PGM1: variants seen among roughly 807,000 people sequenced by gnomAD.
PGM1 encodes the protein phosphoglucomutase 1.
PGM1 carries 52 observed loss-of-function variants against 55.6 expected under a neutral mutation model. The ratio of observed to expected loss-of-function variants is 0.94; its 90% CI spans 0.75 to 1.18. The LOEUF is 1.18. Ranked by LOEUF, PGM1 falls within the 50% of genes most tolerant of loss-of-function variation. The pLI, the probability that PGM1 is intolerant of heterozygous loss-of-function variation, is 0.00. For synonymous variants in PGM1, 287 were observed against 271.7 expected (o/e 1.06, Z -0.55); for missense variants, 724 against 729.3 (o/e 0.99, Z 0.08).
Position 63,636,237 on chromosome 1 carries a change from C to T in PGM1, c.877C>T (p.Arg293Ter), listed in dbSNP as rs377295149. The T allele has an allele frequency of 1.3e-5, 21 of 1,614,046 alleles. No individual in the cohort carries two copies. The highest frequency in any genetic ancestry group is 1.6e-5 in the Non-Finnish European group (19 of 1,179,852). Residue 293 changes from arginine (R) to a stop codon, truncating the protein, a stop_gained, in exon 6 of 11, where the codon CGA (arginine) becomes TGA (stop). Coordinates refer to ENST00000371084, the MANE Select transcript of PGM1 (RefSeq NM_002633.3). LOFTEE classifies it high-confidence loss of function. The stretch of plus-strand genomic sequence containing the variant: ...TTGATCCTCTCTTCTCCCCAAGGAT[C>T]GAAACATGATTCTGGGCAAGCATGG... ...FGAAFDGDGD[R>*]NMILGKHGFF... is the part of the protein sequence containing the mutation.
At chr1:63,651,907 C>G in intron 9 of PGM1, 55 bp downstream of exon 9, 2 of 1,468,196 alleles carry the variant, frequency 1.4e-6, no homozygotes, top group Non-Finnish European at 1.9e-6. Context: ...TCATCTCTGA[C>G]ATCTCAAGGG....
intron 1 of PGM1, among the ~76,000 whole-genome samples, chr1:63,626,815 T>C (rs1240249462): frequency 1.3e-5 from 2 of 152,154 alleles, no homozygotes; most frequent in Non-Finnish European, 2.9e-5. Flanking sequence ...AGCATATCTC[T>C]AGAAAGTTTT....
At position 63,593,749 on chromosome 1, in the gene PGM1, G is replaced by C; in HGVS notation, c.246+15G>C. The C allele has an allele frequency of 5.1e-6, 8 of 1,579,990 alleles. No individual in the cohort carries two copies. Among genetic ancestry groups the C allele is most frequent in the Non-Finnish European group, 6.8e-6 (8 of 1,169,128 alleles). ...CCGCCAACGGGGTAAGGGATGCGCG[G>C]CCCCGCGCCGCTGTGCACCCTGGCG... On this transcript the variant is annotated intron_variant, in intron 1 of 10. Transcript: ENST00000371084.
intron 1 of PGM1, among the ~76,000 whole-genome samples, chr1:63,621,503 C>T (rs1648878320): frequency 6.6e-6 from 1 of 152,186 alleles, no homozygotes; most frequent in Admixed American, 6.5e-5. Flanking sequence ...TCAAGACACA[C>T]ATGCCAGCCT....
At chr1:63,603,907 A>G (rs1648310538) in intron 1 of PGM1, among the ~76,000 whole-genome samples, 1 of 152,190 alleles carries the variant, frequency 6.6e-6, no homozygotes, top group Non-Finnish European at 1.5e-5. Context: ...TCTCCCTGGA[A>G]GTTCTATATA....
Position 63,597,853 on chromosome 1 carries a change from G to A in PGM1, c.246+4119G>A, listed in dbSNP as rs189000518. Among the ~76,000 whole-genome samples, 161 of 152,272 alleles carry A rather than the reference G, an allele frequency of 1.1e-3. 2 individuals are homozygous for A. Among genetic ancestry groups the A allele is most frequent in the African/African-American group, 3.6e-3 (150 of 41,536 alleles). ...GCAAAATAAAATAAATACCTTTGTG[G>A]GAACTTATGAGCAAGGAGGGTATTT... On this transcript the variant is annotated intron_variant, in intron 1 of 10. Coordinates refer to ENST00000371084, the MANE Select transcript of PGM1 (RefSeq NM_002633.3).
At chr1:63,593,915 G>A (rs1247171032) in intron 1 of PGM1, 181 bp downstream of exon 1, 3 of 1,242,938 alleles carry the variant, frequency 2.4e-6, no homozygotes, top group East Asian at 3.7e-5. Flanking sequence ...GGAGGTCGCC[G>A]GGCTGGGGAA....
Position 63,641,977 on chromosome 1 carries a change from T to C in PGM1, c.1144+3177T>C, listed in dbSNP as rs191060672. Among the ~76,000 whole-genome samples the C allele has an allele frequency of 7.9e-5, 12 of 152,306 alleles. No homozygotes were observed. In the East Asian group the frequency reaches 2.3e-3, roughly 29 times the overall value. On this transcript the variant is annotated intron_variant, in intron 7 of 10. Transcript: ENST00000371084. The stretch of plus-strand genomic sequence containing the variant: ...AAATTCCTGTATGATGCTGGAACCA[T>C]AGTGACTGGTCACTGCTTTCTGGCT...
chr1:63,613,675 A>G lies in PGM1; in HGVS notation c.247-15750A>G, dbSNP rs527370120. ...TATTTCCAAATAAGGTCACATCCCCAGGTTCCTGGGTTAAGACTTCAATGT... is the reference window on the plus strand; with the variant it reads ...TATTTCCAAATAAGGTCACATCCCCGGGTTCCTGGGTTAAGACTTCAATGT... On this transcript the variant is annotated intron_variant, in intron 1 of 10. Coordinates refer to ENST00000371084, the MANE Select transcript of PGM1 (RefSeq NM_002633.3). 8.3e-5 allele frequency among the ~76,000 whole-genome samples: 12 copies of G among 145,028 alleles called. No homozygotes were observed. In the East Asian group the frequency reaches 2.3e-3, roughly 27 times the overall value.
In PGM1 at chr1:63,659,844, C is replaced by A; in HGVS notation, c.*169C>A. 1 of 673,470 alleles carries A rather than the reference C, an allele frequency of 1.5e-6. No individual in the cohort carries two copies. 41.7% of individuals were successfully genotyped at this position (673,470 alleles called of 1,614,324 possible). ...ACAAGGCACTGCCAAACAAGATGCC[C>A]TTGGGAGCTGTGAGGGAAAGAGGAC... On this transcript the variant is annotated 3_prime_UTR_variant, in exon 11 of 11. Transcript: ENST00000371084.
intron 1 of PGM1, among the ~76,000 whole-genome samples, chr1:63,606,525 A>G (rs1188036910): frequency 1.3e-5 from 2 of 152,050 alleles, no homozygotes; most frequent in Admixed American, 1.3e-4. Context: ...CCTTACCTTC[A>G]TGCCAGCTAA....
chr1:63,598,923 T>A (rs1261910925), intron 1 of PGM1, among the ~76,000 whole-genome samples: 2 of 152,210 alleles, frequency 1.3e-5, no homozygotes, highest in Non-Finnish European at 2.9e-5. Context: ...CTCCACTGTC[T>A]CCCGCTTGAA....
At position 63,608,246 on chromosome 1, in the gene PGM1, G is replaced by A. The variant is rs186838206; in HGVS notation, c.246+14512G>A. ...GACAGTTCTTGCTGAGGCAGAGTCTGGCATTCTGCTTTCTGCAGCCTACCG... is the reference window on the plus strand; with the variant it reads ...GACAGTTCTTGCTGAGGCAGAGTCTAGCATTCTGCTTTCTGCAGCCTACCG... On this transcript the variant is annotated intron_variant, in intron 1 of 10. Coordinates refer to ENST00000371084, the MANE Select transcript of PGM1 (RefSeq NM_002633.3). Among the ~76,000 whole-genome samples the A allele has an allele frequency of 3.9e-3, 589 of 152,310 alleles. 10 individuals carry two copies. The highest frequency in any genetic ancestry group is 0.012 in the East Asian group (62 of 5,178).
rs779366191 is a variant in PGM1, at chr1:63,630,108, C to G, written c.556+20C>G. The G allele has an allele frequency of 1.9e-6, 3 of 1,612,036 alleles. No homozygotes were observed. On this transcript the variant is annotated intron_variant, in intron 3 of 10. Transcript: ENST00000371084. ...TCACAGGCATGTTTACTTTCCTCCT[C>G]TTTCTGCCCACTCCTATTTCCAAGT...
intron 1 of PGM1, among the ~76,000 whole-genome samples, chr1:63,604,237 G>A (rs1648349361): frequency 6.6e-6 from 1 of 152,182 alleles, no homozygotes; most frequent in African/African-American, 2.4e-5. Context: ...ATCAGCTGTT[G>A]TAACAGACAC....
intron 1 of PGM1, among the ~76,000 whole-genome samples, chr1:63,625,343 T>C (rs546656003): frequency 6.6e-6 from 1 of 152,332 alleles, no homozygotes; most frequent in African/African-American, 2.4e-5. Flanking sequence ...TTTTCAAGTC[T>C]TTTCAAGGTA....
intron 9 of PGM1, among the ~76,000 whole-genome samples, chr1:63,652,059 A>G (rs759196621): frequency 6.6e-6 from 1 of 152,128 alleles, no homozygotes; most frequent in African/African-American, 2.4e-5. Context: ...TGTTCTGTGC[A>G]CTGTCCAGTA....
intron 1 of PGM1, among the ~76,000 whole-genome samples, chr1:63,602,162 G>A (rs936726228): frequency 6.6e-6 from 1 of 152,150 alleles, no homozygotes; most frequent in Non-Finnish European, 1.5e-5. Flanking sequence ...TAGTTCTGGG[G>A]ATTGTTATAA....
At chr1:63,632,296 A>G (rs149553487) in intron 4 of PGM1, among the ~76,000 whole-genome samples, 3 of 152,168 alleles carry the variant, frequency 2.0e-5, no homozygotes, top group Non-Finnish European at 4.4e-5. Context: ...AGGTCCATAG[A>G]GAGGGCAGCT....
Sources: gnomAD v4.1 joint callset for allele counts (sites outside exome capture counted in the v4.1 genomes callset) on GRCh38, gnomAD v4.1.1 for gene constraint, MANE v1.5 for transcripts, NCBI Gene and HGNC (gene_info 2026-07-23, HGNC 2026-07-21) for gene names.